CDH13: variants seen among roughly 807,000 people sequenced by gnomAD.
CDH13 encodes the protein cadherin 13.
A neutral mutation model predicts 63.8 loss-of-function variants in CDH13; 24 were observed. That is an observed-to-expected ratio of 0.38 (90% CI 0.27 to 0.53). CDH13 has a LOEUF of 0.53. CDH13 is among the 20% of genes least tolerant of loss of function. The pLI is 0.85. For missense variants in CDH13, 1,049 were observed against 903.1 expected (o/e 1.16, Z -2.07); for synonymous variants, 503 against 355.3 (o/e 1.42, Z -4.67).
chr16:83,579,292 A>C (rs1433379921), intron 7 of CDH13, among the ~76,000 whole-genome samples: 1 of 152,188 alleles, frequency 6.6e-6, no homozygotes, highest in Non-Finnish European at 1.5e-5. Flanking sequence ...TCATTGTGTT[A>C]GTTCTCATAT....
intron 1 of CDH13, among the ~76,000 whole-genome samples, chr16:82,718,745 T>G (rs765466011): frequency 1.1e-4 from 16 of 151,984 alleles, no homozygotes; most frequent in Non-Finnish European, 1.9e-4. Flanking sequence ...TCAGATCTCG[T>G]GAGACGATCA....
chr16:83,001,190 C>A (rs1912888770), intron 2 of CDH13, among the ~76,000 whole-genome samples: 3 of 152,216 alleles, frequency 2.0e-5, no homozygotes, highest in Non-Finnish European at 4.4e-5. Context: ...CTGTGGTGAC[C>A]ACACAGCATA....
chr16:82,952,292 C>A lies in CDH13; in HGVS notation c.158-79718C>A, dbSNP rs1197230625. On this transcript the variant is annotated intron_variant, in intron 2 of 13. Transcript: ENST00000567109. ...TGGGCAGCTTTCTTACTCCTGCTAGCCCGAGTTTTCAATGAGCAATCATTG... is the reference window on the plus strand; with the variant it reads ...TGGGCAGCTTTCTTACTCCTGCTAGACCGAGTTTTCAATGAGCAATCATTG... 2.0e-5 allele frequency among the ~76,000 whole-genome samples: 3 copies of A among 152,144 alleles called. No individual in the cohort carries two copies. The East Asian group carries it at 5.8e-4, about 29-fold the overall frequency.
intron 8 of CDH13, among the ~76,000 whole-genome samples, chr16:83,660,715 T>G (rs1278326049): frequency 6.6e-6 from 1 of 152,254 alleles, no homozygotes; most frequent in Non-Finnish European, 1.5e-5. Context: ...TATTGTTTCT[T>G]GAAAAGCCAT....
At chr16:83,484,789 C>G (rs1477361698) in intron 6 of CDH13, among the ~76,000 whole-genome samples, 3 of 152,154 alleles carry the variant, frequency 2.0e-5, no homozygotes, top group Non-Finnish European at 2.9e-5. Flanking sequence ...TGTGTGTAAG[C>G]ATGTTCACAA....
chr16:83,668,576 T>C (rs988382865), intron 8 of CDH13, among the ~76,000 whole-genome samples: 3 of 152,178 alleles, frequency 2.0e-5, no homozygotes, highest in Non-Finnish European at 4.4e-5. Context: ...ACATCCACTT[T>C]GATAAGCAGG....
At chr16:82,642,208 A>T (rs2150889642) in intron 1 of CDH13, among the ~76,000 whole-genome samples, 1 of 151,876 alleles carries the variant, frequency 6.6e-6, no homozygotes, top group Non-Finnish European at 1.5e-5. Flanking sequence ...ATTTGTCTGG[A>T]ATATTTCTGA....
intron 1 of CDH13, among the ~76,000 whole-genome samples, chr16:82,783,901 C>A (rs79963296): frequency 6.6e-6 from 1 of 151,770 alleles, no homozygotes; most frequent in African/African-American, 2.4e-5. Flanking sequence ...AAGAAAGAAA[C>A]GGATATAATT....
intron 5 of CDH13, among the ~76,000 whole-genome samples, chr16:83,248,839 A>G (rs1905215718): frequency 6.6e-6 from 1 of 152,182 alleles, no homozygotes; most frequent in Admixed American, 6.5e-5. Flanking sequence ...TCTCCCCTGG[A>G]ATTTAGTGTA....
At chr16:83,758,887 T>C (rs1443309707) in intron 11 of CDH13, among the ~76,000 whole-genome samples, 1 of 152,216 alleles carries the variant, frequency 6.6e-6, no homozygotes, top group Non-Finnish European at 1.5e-5. Context: ...TCTCCCTATT[T>C]AAGCCCACAT....
chr16:83,202,581 T>C (rs564733850), intron 4 of CDH13, among the ~76,000 whole-genome samples: 1 of 152,294 alleles, frequency 6.6e-6, no homozygotes, highest in South Asian at 2.1e-4. Context: ...GAAATTTTAT[T>C]TATTTTTGAT....
intron 8 of CDH13, among the ~76,000 whole-genome samples, chr16:83,650,782 G>T (rs1170329588): frequency 1.3e-5 from 2 of 152,122 alleles, no homozygotes; most frequent in African/African-American, 4.8e-5. Context: ...AATTCGAAAA[G>T]AAAAAGCAGG....
rs192979553 is a variant in CDH13 at position 83,281,569 on chromosome 16, G to T, written c.637-63293G>T. Reference sequence around the variant, plus strand: ...ATAATTCAGCTGTTTGGTACAAGAGGTCTGGCTTTCAGCTATCTCAGCTTT... The same window carrying T: ...ATAATTCAGCTGTTTGGTACAAGAGTTCTGGCTTTCAGCTATCTCAGCTTT... On this transcript the variant is annotated intron_variant, in intron 5 of 13. Transcript: ENST00000567109. Among the ~76,000 whole-genome samples, 26 of 152,246 alleles carry T rather than the reference G, an allele frequency of 1.7e-4. No individual in the cohort carries two copies. In the East Asian group the frequency reaches 5.0e-3, roughly 29 times the overall value.
At chr16:82,755,931 G>C (rs567547294) in intron 1 of CDH13, among the ~76,000 whole-genome samples, 12 of 152,314 alleles carry the variant, frequency 7.9e-5, no homozygotes, top group African/African-American at 2.9e-4. Context: ...AGCTCAGAGA[G>C]GGGCCAGGAA....
intron 1 of CDH13, among the ~76,000 whole-genome samples, chr16:82,663,072 C>A (rs535580116): frequency 5.9e-5 from 9 of 152,366 alleles, no homozygotes; most frequent in Admixed American, 5.9e-4. Flanking sequence ...CATCCTCCCC[C>A]TGCCAGGGCA....
In CDH13 at chr16:82,946,720, C is replaced by CAAAAAAAA. The variant is rs55633638; in HGVS notation, c.158-85289_158-85282dup. 3.5e-3 allele frequency among the ~76,000 whole-genome samples: 519 copies of CAAAAAAAA among 148,922 alleles called. 6 individuals carry two copies. The highest frequency in any genetic ancestry group is 0.012 in the African/African-American group (499 of 40,330). ...TGGGTGACAGAATGAAACTCTGTCTCAAAAAAAAGAAAGAAAAAACATACT... is the reference window on the plus strand; with the variant it reads ...TGGGTGACAGAATGAAACTCTGTCTCAAAAAAAAAAAAAAAAGAAAGAAAAAACATACT... On this transcript the variant is annotated intron_variant, in intron 2 of 13. Coordinates refer to ENST00000567109, the MANE Select transcript of CDH13 (RefSeq NM_001257.5).
chr16:83,035,054 A>G (rs1337083165), intron 3 of CDH13, among the ~76,000 whole-genome samples: 2 of 152,084 alleles, frequency 1.3e-5, no homozygotes, highest in Non-Finnish European at 2.9e-5. Flanking sequence ...CTTTGTGAAG[A>G]TGTGTAGCTG....
At chr16:83,067,838 C>A (rs1197125532) in intron 3 of CDH13, among the ~76,000 whole-genome samples, 1 of 152,136 alleles carries the variant, frequency 6.6e-6, no homozygotes, top group African/African-American at 2.4e-5. Flanking sequence ...TCTCTCTGGC[C>A]TCTAGATACC....
chr16:83,791,768 G>A (rs2576471), intron 13 of CDH13, among the ~76,000 whole-genome samples: 112,950 of 146,164 alleles, frequency 0.77, 43,489 homozygotes, highest in East Asian at 0.85. Flanking sequence ...CCAAGACTGC[G>A]CCATTGCACT....
Sources: allele counts gnomAD v4.1 joint callset (sites outside exome capture counted in the v4.1 genomes callset), GRCh38; gene constraint gnomAD v4.1.1; transcripts MANE v1.5; gene names NCBI Gene and HGNC (gene_info 2026-07-23, HGNC 2026-07-21).